C8orf34: variants seen among roughly 807,000 people sequenced by gnomAD.
C8orf34 encodes the protein uncharacterized protein C8orf34.
Under a neutral mutation model 68.3 loss-of-function variants are expected in C8orf34, and 65 were observed. The ratio of observed to expected loss-of-function variants is 0.95; its 90% confidence interval spans 0.78 to 1.17. The LOEUF (loss-of-function observed/expected upper bound fraction) is 1.17, where lower values mean the gene tolerates loss of function less well. Ranked by LOEUF, C8orf34 falls within the 50% of genes most tolerant of loss-of-function variation. The pLI, the probability that C8orf34 is intolerant of heterozygous loss-of-function variation, is 0.00. For missense variants in C8orf34, 664 were observed against 655.4 expected, an observed-to-expected ratio of 1.01 and a Z score of -0.14; for synonymous variants, 244 against 241.2, an observed-to-expected ratio of 1.01 and a Z score of -0.11.
intron 7 of C8orf34, among the ~76,000 whole-genome samples, chr8:68,577,672 A>C (rs997073566): frequency 1.3e-5 from 2 of 151,986 alleles, no homozygotes; most frequent in Non-Finnish European, 2.9e-5. Flanking sequence ...ATCTAGATAC[A>C]ATTAAGTTTT....
intron 3 of C8orf34, among the ~76,000 whole-genome samples, chr8:68,455,432 A>G (rs1178856284): frequency 6.6e-6 from 1 of 152,126 alleles, no homozygotes; most frequent in East Asian, 1.9e-4. Context: ...AGGTGTTTAT[A>G]TGTTTATAAT....
chr8:68,462,934 C>G (rs1210005403), intron 3 of C8orf34, among the ~76,000 whole-genome samples: 4 of 152,062 alleles, frequency 2.6e-5, no homozygotes, highest in Admixed American at 6.5e-5. Context: ...CAAGAAATAA[C>G]TAAAATCAGA....
intron 7 of C8orf34, among the ~76,000 whole-genome samples, chr8:68,629,454 C>T (rs1475432862): frequency 6.6e-6 from 1 of 152,166 alleles, no homozygotes; most frequent in Non-Finnish European, 1.5e-5. Context: ...GTCACTGCTT[C>T]CTGCCACATC....
chr8:68,748,702 A>G (rs1255546947), intron 10 of C8orf34, among the ~76,000 whole-genome samples: 8 of 151,800 alleles, frequency 5.3e-5, no homozygotes, highest in Admixed American at 4.6e-4. Flanking sequence ...ATCTCACACC[A>G]GTTAGAATGG....
At chr8:68,718,093 C>A (rs1246258638) in intron 9 of C8orf34, among the ~76,000 whole-genome samples, 2 of 152,158 alleles carry the variant, frequency 1.3e-5, no homozygotes, top group African/African-American at 4.8e-5. Context: ...CTATTTAGAT[C>A]ACCTGTTCTA....
At chr8:68,785,799 T>A (rs979263623) in intron 11 of C8orf34, among the ~76,000 whole-genome samples, 1 of 152,220 alleles carries the variant, frequency 6.6e-6, no homozygotes, top group Non-Finnish European at 1.5e-5. Flanking sequence ...ATAGTTTTAC[T>A]GCCCTAAAAT....
At chr8:68,813,029 C>T (rs145276844) in intron 12 of C8orf34, among the ~76,000 whole-genome samples, 2 of 152,336 alleles carry the variant, frequency 1.3e-5, no homozygotes, top group Middle Eastern at 3.4e-3. Context: ...AATCCCAACA[C>T]GTGCTTTGTC....
chr8:68,534,965 A>G, intron 7 of C8orf34: 5 of 985,384 alleles, frequency 5.1e-6, no homozygotes, highest in Non-Finnish European at 6.0e-6. Flanking sequence ...TTTAATAATA[A>G]GAGATAGTTG....
At chr8:68,521,086 G>T (rs1052668378) in intron 5 of C8orf34, among the ~76,000 whole-genome samples, 36 of 152,102 alleles carry the variant, frequency 2.4e-4, no homozygotes, top group African/African-American at 8.4e-4. Flanking sequence ...ATGAATTAGT[G>T]AACAAGAAAC....
chr8:68,465,804 G>T (rs1274918484), intron 3 of C8orf34, among the ~76,000 whole-genome samples: 1 of 151,722 alleles, frequency 6.6e-6, no homozygotes, highest in African/African-American at 2.4e-5. Flanking sequence ...CCTGTTGTGG[G>T]GTGGGGGCAG....
chr8:68,762,650 A>C (rs776110958), intron 10 of C8orf34, among the ~76,000 whole-genome samples: 39 of 152,130 alleles, frequency 2.6e-4, no homozygotes, highest in Non-Finnish European at 5.1e-4. Flanking sequence ...GTTCAGTAAG[A>C]CCTCAAAAGA....
At chr8:68,666,123 G>A (rs908838603) in intron 8 of C8orf34, among the ~76,000 whole-genome samples, 2 of 152,174 alleles carry the variant, frequency 1.3e-5, no homozygotes, top group Admixed American at 6.5e-5. Flanking sequence ...CATCAGAGAG[G>A]TTGGGTACTC....
At chr8:68,763,224 C>T (rs75948942) in intron 10 of C8orf34, among the ~76,000 whole-genome samples, 4,149 of 152,250 alleles carry the variant, frequency 0.027, 82 homozygotes, top group Middle Eastern at 0.051. Context: ...TATAATCTTT[C>T]GTTAGTGGAA....
intron 1 of C8orf34, among the ~76,000 whole-genome samples, chr8:68,397,006 A>T (rs1226459929): frequency 1.3e-5 from 2 of 151,798 alleles, no homozygotes; most frequent in Non-Finnish European, 2.9e-5. Context: ...TTTTTATTTT[A>T]TTTATTTTCT....
chr8:68,492,375 G>A (rs554342166), intron 5 of C8orf34, among the ~76,000 whole-genome samples: 2 of 152,086 alleles, frequency 1.3e-5, no homozygotes, highest in South Asian at 4.1e-4. Context: ...GACTACAAAC[G>A]TGTGCCACCA....
At position 68,783,759 on chromosome 8, in the gene C8orf34, C is replaced by A. The variant is rs117791057; in HGVS notation, c.1456-3684C>A. ...TGTAGAAAACCAAGCTGTGCCCCAA[C>A]CACCTCGGGCACATGTCGTCAGGAC... On this transcript the variant is annotated intron_variant, in intron 11 of 13. Transcript: ENST00000518698. Among the ~76,000 whole-genome samples the A allele has an allele frequency of 3.3e-3, 500 of 152,122 alleles. 14 individuals carry two copies. The East Asian group carries it at 0.071, about 22-fold the overall frequency.
At position 68,797,974 on chromosome 8, in the gene C8orf34, C is replaced by T. The variant is rs577489512; in HGVS notation, c.1549+10438C>T. Among the ~76,000 whole-genome samples the T allele has an allele frequency of 1.4e-3, 215 of 150,942 alleles. 1 individual carries two copies. Among genetic ancestry groups the T allele is most frequent in the African/African-American group, 5.0e-3 (204 of 40,562 alleles). On this transcript the variant is annotated intron_variant, in intron 12 of 13. Transcript: ENST00000518698. Reference sequence around the variant, plus strand: ...AAGACATAACACTCACTGGAAACAACTAAGAATAAAACAACAATAGTAGTA... The same window carrying T: ...AAGACATAACACTCACTGGAAACAATTAAGAATAAAACAACAATAGTAGTA...
In C8orf34 at chr8:68,521,933, A is replaced by G. The variant is rs553904484; in HGVS notation, c.900A>G (p.Gln300=). 4.9e-5 allele frequency: 79 copies of G among 1,614,086 alleles called. No individual in the cohort carries two copies. Among genetic ancestry groups the G allele is most frequent in the Middle Eastern group, 1.7e-4 (1 of 6,060 alleles). Residue 300 remains glutamine, a synonymous_variant, in exon 6 of 14, where the codon CAA becomes CAG. Coordinates refer to ENST00000518698, the MANE Select transcript of C8orf34 (RefSeq NM_052958.4). ...QPPIPRSKND[Q]WESEDSGSSP... ...CAATTCCAAGAAGCAAAAATGACCA[A>G]TGGGAAAGTGAAGATAGTGGCTCTA...
chr8:68,406,510 A>G (rs1809201297), intron 1 of C8orf34, among the ~76,000 whole-genome samples: 1 of 150,944 alleles, frequency 6.6e-6, no homozygotes, highest in Non-Finnish European at 1.5e-5. Context: ...ATTATTATTG[A>G]GAGAGAGAGA....
Sources: allele counts gnomAD v4.1 joint callset (sites outside exome capture counted in the v4.1 genomes callset), GRCh38; gene constraint gnomAD v4.1.1; transcripts MANE v1.5; gene names NCBI Gene and HGNC (gene_info 2026-07-23, HGNC 2026-07-21).